Variants in SPG7 observed in about 807,000 individuals in gnomAD.
SPG7 encodes the protein mitochondrial inner membrane m-AAA protease component paraplegin.
A neutral mutation model predicts 81.9 loss-of-function variants in SPG7; 103 were observed. The ratio of observed to expected loss-of-function variants is 1.26; its 90% CI spans 1.07 to 1.48. SPG7 has a LOEUF of 1.48. Ranked by LOEUF, SPG7 falls within the 40% of genes most tolerant of loss-of-function variation. SPG7 has a pLI of 0.00. For synonymous variants in SPG7, 534 were observed against 444.2 expected (o/e 1.20, Z -2.54); for missense variants, 1,241 against 1,087.3 (o/e 1.14, Z -1.99).
At chr16:89,539,486 G>C (rs1191322836) in intron 9 of SPG7, 1 of 152,248 alleles carries the variant, frequency 6.6e-6, no homozygotes, top group African/African-American at 2.4e-5. Context: ...GCAAAAAAGA[G>C]CGAAACTCCT....
Position 89,532,420 on chromosome 16 carries a change from T to G in SPG7, c.1151-43T>G, listed in dbSNP as rs772593020. 21 of 1,610,524 alleles carry G rather than the reference T, an allele frequency of 1.3e-5. No homozygotes were observed. In the East Asian group the frequency reaches 1.3e-4, roughly 10 times the overall value. Reference sequence around the variant, plus strand: ...CCGGGTACAGGAAGAGGCTTTGTTTTTTATTAACTGCCCATTTCCTGATTC... The same window carrying G: ...CCGGGTACAGGAAGAGGCTTTGTTTGTTATTAACTGCCCATTTCCTGATTC... On this transcript the variant is annotated intron_variant, in intron 8 of 16. Coordinates refer to ENST00000645818, the MANE Select transcript of SPG7 (RefSeq NM_003119.4).
chr16:89,546,863 C>T lies in SPG7; in HGVS notation c.1552+103C>T, dbSNP rs142649413. 1,140 of 795,562 alleles carry T rather than the reference C, an allele frequency of 1.4e-3. 7 individuals carry two copies. In the African/African-American group the frequency reaches 0.017, roughly 12 times the overall value. 49.3% of individuals were successfully genotyped at this position (795,562 alleles called of 1,614,324 possible). ...CCTCCTCTGTGGGGTGGGCGCTGCT[C>T]CTTCTCTGGGGGCCTCTGCTCAGTA... On this transcript the variant is annotated intron_variant, in intron 11 of 16. Transcript: ENST00000645818.
At position 89,532,587 on chromosome 16, in the gene SPG7, C is replaced by T. The variant is rs778305316; in HGVS notation, c.1275C>T (p.Ser425=). Residue 425 remains serine (S), a synonymous_variant, in exon 9 of 17, where the codon TCC becomes TCT. Transcript: ENST00000645818. ...GCTCCACCACCATGTCCGGCTTCTC[C>T]AACACGGAGGAGGAGCAGACGCTCA... ...KKRSTTMSGF[S]NTEEEQTLNQ... is the part of the protein sequence containing the mutation. 47 of 1,613,694 alleles carry T rather than the reference C, an allele frequency of 2.9e-5. No homozygotes were observed. The East Asian group carries it at 3.1e-4, about 11-fold the overall frequency.
intron 12 of SPG7, 61 bp from the exon 13 acceptor site, chr16:89,550,433 A>G: frequency 8.4e-6 from 10 of 1,194,650 alleles, no homozygotes; most frequent in East Asian, 2.3e-5. Context: ...TTGGCCTCCC[A>G]CAGCGCTGGG....
chr16:89,544,513 G>A, intron 9 of SPG7, 135 bp from the exon 10 acceptor site: 1 of 1,008,688 alleles, frequency 9.9e-7, no homozygotes, highest in Non-Finnish European at 1.6e-6. Flanking sequence ...TAGTTCAGAA[G>A]GACCGGGCTG....
chr16:89,528,251 G>A (rs1329868104), intron 5 of SPG7, among the ~76,000 whole-genome samples: 4 of 152,074 alleles, frequency 2.6e-5, no homozygotes, highest in Admixed American at 2.6e-4. Flanking sequence ...AATTAGCCGG[G>A]TGCGGTGGCG....
intron 9 of SPG7, among the ~76,000 whole-genome samples, chr16:89,534,854 C>T (rs530476831): frequency 3.3e-5 from 5 of 152,220 alleles, no homozygotes; most frequent in East Asian, 1.9e-4. Context: ...CTTCCGCCCC[C>T]CCGATGTGGA....
intron 3 of SPG7, chr16:89,520,380 TTTTG>T (rs113614318): frequency 0.011 from 2,069 of 185,368 alleles, 23 homozygotes; most frequent in African/African-American, 0.034. Flanking sequence ...CCTAGAGTGC[TTTTG>T]TTTGTTTGTT....
chr16:89,530,345 C>T (rs1341983664), intron 6 of SPG7: 7 of 368,258 alleles, frequency 1.9e-5, no homozygotes, highest in African/African-American at 1.1e-4. Flanking sequence ...CAGGTTTCAC[C>T]GTGTTAGCCA....
chr16:89,546,361 A>G (rs1327068060), intron 10 of SPG7: 5 of 381,568 alleles, frequency 1.3e-5, no homozygotes, highest in African/African-American at 8.4e-5. Flanking sequence ...CCGGCCATCC[A>G]ACAGTGTTCT....
intron 9 of SPG7, chr16:89,541,167 A>G (rs1597649064): frequency 1.3e-6 from 1 of 794,580 alleles, no homozygotes; most frequent in South Asian, 5.4e-5. Flanking sequence ...AGAAGAGCTG[A>G]AACTGGTGTA....
chr16:89,527,841 T>A (rs555187711), intron 5 of SPG7, among the ~76,000 whole-genome samples: 49 of 151,754 alleles, frequency 3.2e-4, no homozygotes, highest in African/African-American at 1.1e-3. Flanking sequence ...ATGCCTGTAA[T>A]CCCAGCACTT....
At chr16:89,546,091 TC>T in intron 10 of SPG7, 1 of 292,366 alleles carries the variant, frequency 3.4e-6, no homozygotes, top group Non-Finnish European at 6.7e-6. Context: ...AAGAGCGTTC[TC>T]TTTTTTTTTT....
At chr16:89,512,233 T>C (rs1411201520) in intron 2 of SPG7, among the ~76,000 whole-genome samples, 1 of 150,052 alleles carries the variant, frequency 6.7e-6, no homozygotes, top group African/African-American at 2.5e-5. Flanking sequence ...AAACGCTGAT[T>C]TGTTCAGATT....
At chr16:89,532,658 A>T (rs781039710) in intron 9 of SPG7, 22 bp downstream of exon 9, 1 of 1,612,266 alleles carries the variant, frequency 6.2e-7, no homozygotes, top group Non-Finnish European at 8.5e-7. Context: ...TGCGCCCCGC[A>T]CCCCCATTGC....
Position 89,554,754 on chromosome 16 carries a change from G to C in SPG7, c.2181+191G>C, listed in dbSNP as rs1360757968. ...TTTTTATCCTGAACTCGTCAAGTGT[G>C]TTCCCCCGAGGTAGAAAGAAGGCTG... On this transcript the variant is annotated intron_variant, in intron 16 of 16. Transcript: ENST00000645818. The C allele has an allele frequency of 9.6e-5, 57 of 595,244 alleles. No homozygotes were observed. The East Asian group carries it at 1.1e-3, about 12-fold the overall frequency. The allele number at this position is 595,244 out of a possible 1,614,324, so 36.9% of individuals were successfully genotyped here.
chr16:89,536,164 G>T (rs77799824), intron 9 of SPG7, among the ~76,000 whole-genome samples: 538 of 26,086 alleles, frequency 0.021, 3 homozygotes, highest in Middle Eastern at 0.042. Flanking sequence ...CAGTGTGGCC[G>T]CTCTGGTGCT....
In SPG7 at chr16:89,546,704, C is replaced by T. The variant is rs2058568891; in HGVS notation, c.1496C>T (p.Thr499Ile). The T allele has an allele frequency of 2.5e-6, 4 of 1,613,674 alleles. No homozygotes were observed. Among genetic ancestry groups the T allele is most frequent in the Non-Finnish European group, 3.4e-6 (4 of 1,179,786 alleles). Residue 499 changes from threonine (T) to isoleucine (I), a missense_variant, in exon 11 of 17, where the codon ACC becomes ATC. By Grantham distance (89) the Thr-to-Ile change is moderately conservative. Transcript: ENST00000645818. Reference sequence around the variant, plus strand: ...CAGCACCTGAAGAGCCTGAAGCTGACCCAGTCCAGCACCTTTTACTCCCAG... The same window carrying T: ...CAGCACCTGAAGAGCCTGAAGCTGATCCAGTCCAGCACCTTTTACTCCCAG... Reference protein sequence around the residue: ...FEQHLKSLKLTQSSTFYSQRL... With the variant: ...FEQHLKSLKLIQSSTFYSQRL...
intron 11 of SPG7, 97 bp downstream of exon 11, chr16:89,546,857 G>C: frequency 1.2e-6 from 1 of 819,686 alleles, no homozygotes; most frequent in Non-Finnish European, 2.1e-6. Context: ...TGGGGTGGGC[G>C]CTGCTCCTTC....
Sources: gnomAD v4.1 joint callset for allele counts (sites outside exome capture counted in the v4.1 genomes callset) on GRCh38, gnomAD v4.1.1 for gene constraint, MANE v1.5 for transcripts, NCBI Gene and HGNC (gene_info 2026-07-23, HGNC 2026-07-21) for gene names.